PALS1: variants seen among roughly 807,000 people sequenced by gnomAD.
PALS1 encodes protein associated with LIN7 1, MAGUK p55 family member, also known as protein PALS1.
A neutral mutation model predicts 78.9 loss-of-function variants in PALS1; 31 were observed. The ratio of observed to expected loss-of-function variants is 0.39; its 90% CI spans 0.30 to 0.53. PALS1 has a LOEUF of 0.53. PALS1 is among the 20% of genes least tolerant of loss of function. The probability of loss-of-function intolerance (pLI) is 0.67; values close to 1 mark genes in which losing one functional copy is unlikely to be tolerated. For missense variants in PALS1, 704 were observed against 826.5 expected, an observed-to-expected ratio of 0.85 and a Z score of 1.82; for synonymous variants, 276 against 270.9, an observed-to-expected ratio of 1.02 and a Z score of -0.18.
At position 67,320,409 on chromosome 14, in the gene PALS1, T is replaced by C. The variant is rs770425556; in HGVS notation, c.1537+12T>C. On this transcript the variant is annotated intron_variant, in intron 12 of 14. Transcript: ENST00000261681. ...ATCTGCAGTTCCTCGTAAGTTTGAA[T>C]GCATTCCCATTTTCCTGTGCTTTTC... 3 of 1,581,130 alleles carry C rather than the reference T, an allele frequency of 1.9e-6. No individual in the cohort carries two copies. In the African/African-American group the frequency reaches 4.1e-5, roughly 22 times the overall value.
chr14:67,292,751 C>T, intron 4 of PALS1, 32 bp downstream of exon 4: 1 of 1,544,484 alleles, frequency 6.5e-7, no homozygotes, highest in Non-Finnish European at 8.9e-7. Context: ...TTGATGTCTA[C>T]AAGGTAATTA....
rs1280903268 is a variant in PALS1, at chr14:67,335,026, G to A, written c.*2070G>A. ...CTGTAGACATTAGGCCTGCACTAGG[G>A]CCATGTGCTGTCAAGATTCAGGAAC... On this transcript the variant is annotated 3_prime_UTR_variant, in exon 15 of 15. Coordinates refer to ENST00000261681, the MANE Select transcript of PALS1 (RefSeq NM_022474.4). 1 of 152,154 alleles carries A rather than the reference G, an allele frequency of 6.6e-6. No homozygotes were observed. The allele number at this position is 152,154 out of a possible 1,614,324, so 9.4% of individuals were successfully genotyped here.
intron 4 of PALS1, 68 bp downstream of exon 4, chr14:67,292,787 G>A: frequency 8.5e-7 from 1 of 1,180,960 alleles, no homozygotes. Flanking sequence ...CAGGATTATT[G>A]GAAAATACTA....
At chr14:67,282,667 A>C in intron 3 of PALS1, among the ~76,000 whole-genome samples, 1 of 152,268 alleles carries the variant, frequency 6.6e-6, no homozygotes, top group Middle Eastern at 3.4e-3. Context: ...TAGATTTCAA[A>C]TGAATAATTA....
At chr14:67,287,755 A>C (rs942913437) in intron 3 of PALS1, among the ~76,000 whole-genome samples, 8 of 152,274 alleles carry the variant, frequency 5.3e-5, no homozygotes, top group Non-Finnish European at 1.5e-5. Context: ...AGTGTCATCT[A>C]TACGGTTAGA....
chr14:67,281,439 G>A (rs2084607969), intron 3 of PALS1, among the ~76,000 whole-genome samples: 2 of 151,692 alleles, frequency 1.3e-5, no homozygotes, highest in Admixed American at 1.3e-4. Context: ...TTTTCCTGAG[G>A]GTTTTATTAG....
chr14:67,259,135 A>C (rs566977295), intron 1 of PALS1, among the ~76,000 whole-genome samples: 2 of 151,850 alleles, frequency 1.3e-5, no homozygotes, highest in Admixed American at 6.6e-5. Context: ...GAGCCACTGC[A>C]CCAGGCCGAT....
intron 1 of PALS1, among the ~76,000 whole-genome samples, chr14:67,264,623 A>C (rs2084290557): frequency 6.6e-6 from 1 of 152,232 alleles, no homozygotes; most frequent in Non-Finnish European, 1.5e-5. Context: ...TAAATTTTTT[A>C]ATAAAATTTG....
chr14:67,257,795 G>C (rs1008562867), intron 1 of PALS1, among the ~76,000 whole-genome samples: 1 of 152,118 alleles, frequency 6.6e-6, no homozygotes, highest in African/African-American at 2.4e-5. Flanking sequence ...ACACTGAATT[G>C]TTCTTCATAG....
chr14:67,250,222 C>T (rs2084046765), intron 1 of PALS1, among the ~76,000 whole-genome samples: 2 of 152,110 alleles, frequency 1.3e-5, no homozygotes, highest in Admixed American at 1.3e-4. Context: ...CGTTCCATAC[C>T]CTCCTACTGG....
In PALS1 at chr14:67,306,152, C is replaced by T. The variant is rs544357835; in HGVS notation, c.1041+2553C>T. On this transcript the variant is annotated intron_variant, in intron 8 of 14. Transcript: ENST00000261681. The stretch of plus-strand genomic sequence containing the variant: ...ATCCAGCTAATTTTTGTATTTTTAG[C>T]AGAGATGGGGTTTCACTATGTTGGC... Among the ~76,000 whole-genome samples, 17 of 152,056 alleles carry T rather than the reference C, an allele frequency of 1.1e-4. No individual in the cohort carries two copies. The South Asian group carries it at 3.1e-3, about 28-fold the overall frequency.
chr14:67,333,057 C>T lies in PALS1; in HGVS notation c.*101C>T. On this transcript the variant is annotated 3_prime_UTR_variant, in exon 15 of 15. Transcript: ENST00000261681. ...GCAAGATTGAGGATAAGATGGAAGGCAGCAGTATAAGCTGTAGATCTGTTC... is the reference window on the plus strand; with the variant it reads ...GCAAGATTGAGGATAAGATGGAAGGTAGCAGTATAAGCTGTAGATCTGTTC... 1 of 1,039,164 alleles carries T rather than the reference C, an allele frequency of 9.6e-7. No homozygotes were observed. The highest frequency in any genetic ancestry group is 1.4e-6 in the Non-Finnish European group (1 of 705,958). 64.4% of individuals were successfully genotyped at this position (1,039,164 alleles called of 1,614,324 possible).
rs1038757583 is a variant in PALS1, at chr14:67,273,966, G to A, written c.-154+4183G>A. ...TATTCTTTGCCCACTTTTTGATGGG[G>A]TTGTTTGATTTTTTCTTGGAAATTT... On this transcript the variant is annotated intron_variant, in intron 2 of 14. Transcript: ENST00000261681. 5.9e-5 allele frequency among the ~76,000 whole-genome samples: 9 copies of A among 152,174 alleles called. No individual in the cohort carries two copies. The East Asian group carries it at 1.5e-3, about 26-fold the overall frequency.
chr14:67,257,524 A>G (rs538684335), intron 1 of PALS1, among the ~76,000 whole-genome samples: 1 of 152,178 alleles, frequency 6.6e-6, no homozygotes, highest in Admixed American at 6.6e-5. Context: ...GTGAGACACA[A>G]CTTGTGGAGA....
intron 13 of PALS1, among the ~76,000 whole-genome samples, chr14:67,323,294 A>T (rs915071236): frequency 1.3e-5 from 2 of 150,190 alleles, no homozygotes; most frequent in African/African-American, 5.0e-5. Context: ...GTATATTCTT[A>T]CAGTGAATGG....
At chr14:67,254,775 GTAGAGGTAA>G (rs2084119664) in intron 1 of PALS1, among the ~76,000 whole-genome samples, 1 of 152,162 alleles carries the variant, frequency 6.6e-6, no homozygotes, top group East Asian at 1.9e-4. Context: ...AGCGATCTAG[GTAGAGGTAA>G]TCATCTACTA....
At chr14:67,266,506 A>G (rs1455592028) in intron 1 of PALS1, among the ~76,000 whole-genome samples, 1 of 151,972 alleles carries the variant, frequency 6.6e-6, no homozygotes, top group Admixed American at 6.6e-5. Flanking sequence ...TTGTATTTTT[A>G]GTAGAGACAG....
In PALS1 at chr14:67,302,504, A is replaced by G; in HGVS notation, c.896A>G (p.Asp299Gly). Residue 299 changes from aspartate (D) to glycine (G), a missense_variant, in exon 7 of 15, where the codon GAT (aspartate) becomes GGT (glycine). Coordinates refer to ENST00000261681, the MANE Select transcript of PALS1 (RefSeq NM_022474.4). Reference protein sequence around the residue: ...AEKSGLLHEGDEVLEINGIEI... With the variant: ...AEKSGLLHEGGEVLEINGIEI... ...AAAAGTGGTCTGTTGCATGAAGGAG[A>G]TGAAGTTCTAGAGATTAATGGCATT... The G allele has an allele frequency of 6.3e-7, 1 of 1,596,358 alleles. No homozygotes were observed. Among genetic ancestry groups the G allele is most frequent in the Non-Finnish European group, 8.5e-7 (1 of 1,171,742 alleles).
chr14:67,334,814 C>T lies in PALS1; in HGVS notation c.*1858C>T, dbSNP rs2085505667. 6.6e-6 allele frequency: 1 copy of T among 152,236 alleles called. No homozygotes were observed. The highest frequency in any genetic ancestry group is 2.4e-5 in the African/African-American group (1 of 41,458). 9.4% of individuals were successfully genotyped at this position (152,236 alleles called of 1,614,324 possible). ...AACTAAGGAATATACTTAGCACTTA[C>T]TTAATCTTTTCAGTTTTCCAGTTTA... On this transcript the variant is annotated 3_prime_UTR_variant, in exon 15 of 15. Coordinates refer to ENST00000261681, the MANE Select transcript of PALS1 (RefSeq NM_022474.4).
Sources: allele counts gnomAD v4.1 joint callset (sites outside exome capture counted in the v4.1 genomes callset), GRCh38; gene constraint gnomAD v4.1.1; transcripts MANE v1.5; gene names NCBI Gene and HGNC (gene_info 2026-07-23, HGNC 2026-07-21).